ADGRV1: variants seen among roughly 807,000 people sequenced by gnomAD.
ADGRV1 encodes G-protein coupled receptor 98.
A neutral mutation model predicts 596.2 loss-of-function variants in ADGRV1; 359 were observed. The ratio of observed to expected loss-of-function variants is 0.60; its 90% CI spans 0.55 to 0.66. The LOEUF is 0.66. Among genes scored for constraint, ADGRV1 ranks in the 30% least tolerant of loss-of-function variants. The probability of loss-of-function intolerance (pLI) is 0.00; values close to 1 mark genes in which losing one functional copy is unlikely to be tolerated. For missense variants in ADGRV1, 7,274 were observed against 7,575.6 expected (o/e 0.96, Z 1.48); for synonymous variants, 2,681 against 2,679.2 (o/e 1.00, Z -0.02).
At chr5:90,699,360 AGAG>A (rs767083256) in intron 34 of ADGRV1, among the ~76,000 whole-genome samples, 1 of 152,254 alleles carries the variant, frequency 6.6e-6, no homozygotes, top group East Asian at 1.9e-4. Context: ...AACAGCAAGG[AGAG>A]GAGAAGCATT....
At chr5:90,981,743 A>G (rs1192302533) in intron 84 of ADGRV1, among the ~76,000 whole-genome samples, 1 of 152,210 alleles carries the variant, frequency 6.6e-6, no homozygotes, top group Non-Finnish European at 1.5e-5. Flanking sequence ...ATTATTGTAA[A>G]ATAAAAATTT....
intron 85 of ADGRV1, among the ~76,000 whole-genome samples, chr5:91,000,323 G>C (rs1781751854): frequency 6.6e-6 from 1 of 152,168 alleles, no homozygotes; most frequent in Middle Eastern, 3.4e-3. Context: ...AGCATTGAAT[G>C]TTAAAATTCT....
At chr5:90,731,182 C>T (rs1218842189) in intron 50 of ADGRV1, among the ~76,000 whole-genome samples, 1 of 152,042 alleles carries the variant, frequency 6.6e-6, no homozygotes, top group Non-Finnish European at 1.5e-5. Flanking sequence ...CTTTGGGAGG[C>T]CTCAGGAAGC....
At chr5:90,591,402 A>AT (rs927389826) in intron 1 of ADGRV1, among the ~76,000 whole-genome samples, 24 of 151,762 alleles carry the variant, frequency 1.6e-4, no homozygotes, top group East Asian at 3.9e-4. Context: ...TCTCAAAAAA[A>AT]ATATATATAT....
chr5:90,999,835 C>T (rs539901272), intron 85 of ADGRV1, among the ~76,000 whole-genome samples: 4 of 152,104 alleles, frequency 2.6e-5, no homozygotes, highest in South Asian at 4.1e-4. Context: ...AAAGGGAATA[C>T]CTGCAAATGT....
In ADGRV1 at chr5:90,622,622, C is replaced by A; in HGVS notation, c.479C>A (p.Pro160His). The A allele has an allele frequency of 6.7e-7, 1 of 1,487,390 alleles. No individual in the cohort carries two copies. Among genetic ancestry groups the A allele is most frequent in the Non-Finnish European group, 9.0e-7 (1 of 1,116,842 alleles). 92.1% of individuals were successfully genotyped at this position (1,487,390 alleles called of 1,614,324 possible). The change falls in exon 5 of 90, where the codon CCC becomes CAC. Residue 160 changes from proline (P) to histidine (H), a missense_variant. Physicochemically the swap from Pro to His is moderately conservative, Grantham distance 77. This residue lies in a region of ADGRV1 where 1,715 missense variants were observed against 1,708.8 expected (regional missense o/e 1.00). Coordinates refer to ENST00000405460, the MANE Select transcript of ADGRV1 (RefSeq NM_032119.4). ...NMLPSIAVSE[P>H]KGRNESMPLT... ...CTTCCCTCAATCGCAGTGAGTGAGC[C>A]CAAGGGCAGAAATGAGTCTATGCCT...
chr5:90,861,545 G>A (rs531061259), intron 82 of ADGRV1, among the ~76,000 whole-genome samples: 81 of 151,926 alleles, frequency 5.3e-4, no homozygotes, highest in Middle Eastern at 6.8e-3. Flanking sequence ...TCCTGACCTC[G>A]TGATCTGCCC....
At chr5:90,684,741 C>G (rs574322817) in intron 28 of ADGRV1, among the ~76,000 whole-genome samples, 1 of 152,248 alleles carries the variant, frequency 6.6e-6, no homozygotes, top group South Asian at 2.1e-4. Context: ...GGCTCCACCT[C>G]TTAATACTAT....
At position 91,028,953 on chromosome 5, in the gene ADGRV1, G is replaced by A. The variant is rs570119768; in HGVS notation, c.18152+43431G>A. Among the ~76,000 whole-genome samples the A allele has an allele frequency of 2.0e-5, 3 of 152,102 alleles. No homozygotes were observed. The South Asian group carries it at 6.2e-4, about 32-fold the overall frequency. Reference sequence around the variant, plus strand: ...AGATTTTGCTATGTTGACCAGGCTAGCTTGAACTCCCAAGTTAAGTGGTCC... The same window carrying A: ...AGATTTTGCTATGTTGACCAGGCTAACTTGAACTCCCAAGTTAAGTGGTCC... On this transcript the variant is annotated intron_variant, in intron 85 of 89. Coordinates refer to ENST00000405460, the MANE Select transcript of ADGRV1 (RefSeq NM_032119.4).
intron 85 of ADGRV1, among the ~76,000 whole-genome samples, chr5:90,996,807 G>A (rs537258339): frequency 2.0e-5 from 3 of 152,332 alleles, no homozygotes; most frequent in Non-Finnish European, 1.5e-5. Flanking sequence ...CACGCCTAGT[G>A]TCAGTGTGGC....
intron 1 of ADGRV1, among the ~76,000 whole-genome samples, chr5:90,595,780 G>A (rs1225701664): frequency 5.5e-5 from 8 of 145,508 alleles, no homozygotes; most frequent in African/African-American, 2.1e-4. Flanking sequence ...TGGCTGGCCG[G>A]GCGGGAGGCT....
chr5:90,918,159 G>A (rs984936546), intron 83 of ADGRV1, among the ~76,000 whole-genome samples: 2 of 151,974 alleles, frequency 1.3e-5, no homozygotes. Flanking sequence ...TTAGAGTGCT[G>A]GATCAGTCCA....
intron 19 of ADGRV1, among the ~76,000 whole-genome samples, chr5:90,652,922 T>C (rs1018921272): frequency 2.6e-5 from 4 of 152,204 alleles, no homozygotes; most frequent in African/African-American, 9.7e-5. Flanking sequence ...ATTTAAGCAA[T>C]CAATTTTCGC....
chr5:90,900,700 T>A (rs1302479414), intron 83 of ADGRV1, among the ~76,000 whole-genome samples: 2 of 152,132 alleles, frequency 1.3e-5, no homozygotes, highest in Non-Finnish European at 2.9e-5. Context: ...TTTGACACAA[T>A]TCATCACTCA....
chr5:90,745,826 T>C, intron 52 of ADGRV1, 31 bp downstream of exon 52: 1 of 1,215,736 alleles, frequency 8.2e-7, no homozygotes, highest in Non-Finnish European at 1.2e-6. Flanking sequence ...ACACTTGCAA[T>C]GCAAAATGTT....
rs901043969 is a variant in ADGRV1, at chr5:90,916,787, T to C, written c.17857-48628T>C. On this transcript the variant is annotated intron_variant, in intron 83 of 89. Transcript: ENST00000405460. ...AGCTGGGACTACAGGCGCCCGCCAC[T>C]ACGCCCGGCTAATTTTTTGTATTTT... 7.4e-5 allele frequency among the ~76,000 whole-genome samples: 10 copies of C among 134,450 alleles called. No homozygotes were observed. The South Asian group carries it at 1.0e-3, about 14-fold the overall frequency. 88.2% of individuals were successfully genotyped at this position (134,450 alleles called of 152,430 possible).
At chr5:90,828,419 T>C (rs1373630273) in intron 76 of ADGRV1, among the ~76,000 whole-genome samples, 1 of 152,098 alleles carries the variant, frequency 6.6e-6, no homozygotes, top group African/African-American at 2.4e-5. Context: ...CCAAGGCAAC[T>C]GCTGTCAGGG....
intron 21 of ADGRV1, among the ~76,000 whole-genome samples, chr5:90,660,820 T>C (rs929925410): frequency 2.0e-5 from 3 of 152,238 alleles, no homozygotes; most frequent in Admixed American, 6.5e-5. Flanking sequence ...GTTAAAATGA[T>C]AGCATAATGA....
At chr5:90,973,640 A>G (rs1273939794) in intron 84 of ADGRV1, among the ~76,000 whole-genome samples, 1 of 152,252 alleles carries the variant, frequency 6.6e-6, no homozygotes, top group Non-Finnish European at 1.5e-5. Context: ...GGCCTTTGAC[A>G]AAATTCAACA....
Sources: allele counts gnomAD v4.1 joint callset (sites outside exome capture counted in the v4.1 genomes callset), GRCh38; gene constraint gnomAD v4.1.1; regional missense constraint gnomAD v4.1.1; transcripts MANE v1.5; gene names NCBI Gene and HGNC (gene_info 2026-07-23, HGNC 2026-07-21).